TET2: variants seen among roughly 807,000 people sequenced by gnomAD.
The protein encoded by TET2 is methylcytosine dioxygenase TET2.
In TET2, 299 loss-of-function variants were observed where a neutral mutation model predicts 142.9. That is an observed-to-expected ratio of 2.09 (90% CI 1.90 to 2.30). TET2 has a LOEUF of 2.30. TET2 is among the 30% of genes most tolerant of loss of function. TET2 has a pLI of 0.00. For synonymous variants in TET2, 819 were observed against 849.0 expected (o/e 0.96, Z 0.61); for missense variants, 2,418 against 2,378.0 (o/e 1.02, Z -0.35).
intron 2 of TET2, among the ~76,000 whole-genome samples, chr4:105,192,052 GTC>G (rs1173684290): frequency 1.3e-5 from 2 of 151,958 alleles, no homozygotes; most frequent in Non-Finnish European, 2.9e-5. Flanking sequence ...TTCTGCTCTT[GTC>G]TTTTACATGA....
intron 1 of TET2, among the ~76,000 whole-genome samples, chr4:105,179,461 A>G (rs1724993176): frequency 1.3e-5 from 2 of 152,228 alleles, no homozygotes; most frequent in Admixed American, 1.3e-4. Context: ...ATGATACTGC[A>G]AAGCCTACAA....
chr4:105,168,010 A>G (rs1724253794), intron 1 of TET2, among the ~76,000 whole-genome samples: 1 of 152,190 alleles, frequency 6.6e-6, no homozygotes, highest in Non-Finnish European at 1.5e-5. Flanking sequence ...GGATCTGACT[A>G]CTTCACACCA....
At chr4:105,265,355 C>T (rs908015389) in intron 8 of TET2, among the ~76,000 whole-genome samples, 2 of 152,188 alleles carry the variant, frequency 1.3e-5, no homozygotes, top group Non-Finnish European at 2.9e-5. Context: ...CAACCTTAGA[C>T]CATGAGAAAG....
At chr4:105,170,677 C>T (rs1401518322) in intron 1 of TET2, among the ~76,000 whole-genome samples, 3 of 152,112 alleles carry the variant, frequency 2.0e-5, no homozygotes, top group African/African-American at 7.2e-5. Flanking sequence ...GACAATCTTC[C>T]AGGAGCTTCT....
chr4:105,234,991 A>G lies in TET2; in HGVS notation c.1049A>G (p.Glu350Gly). The G allele has an allele frequency of 6.2e-7, 1 of 1,614,112 alleles. No homozygotes were observed. The change falls in exon 3 of 11, where the codon GAA becomes GGA. Residue 350 changes from glutamate to glycine, a missense_variant. Physicochemically the swap from Glu to Gly is moderately conservative, Grantham distance 98. Coordinates refer to ENST00000380013, the MANE Select transcript of TET2 (RefSeq NM_001127208.3). ...IQGTTKLASG[E>G]EFCSGSSSNL... is the part of the protein sequence containing the mutation. ...GGAACCACAAAGCTAGCGTCTGGTG[A>G]AGAATTCTGTTCAGGTTCCAGCAGC...
Position 105,178,829 on chromosome 4 carries a change from T to C in TET2, c.-192-11531T>C, listed in dbSNP as rs904824602. On this transcript the variant is annotated intron_variant, in intron 1 of 10. Coordinates refer to ENST00000380013, the MANE Select transcript of TET2 (RefSeq NM_001127208.3). ...GAAAAAATGTTAATAAAAAAGAAAA[T>C]AAACTAGTTGAATGTATCAGTTCAT... Among the ~76,000 whole-genome samples, 4 of 151,898 alleles carry C rather than the reference T, an allele frequency of 2.6e-5. No individual in the cohort carries two copies. The South Asian group carries it at 8.3e-4, about 32-fold the overall frequency.
At chr4:105,146,540 T>C, upstream of TET2, 1 of 152,342 alleles carries the variant, frequency 6.6e-6, no homozygotes, top group Non-Finnish European at 1.5e-5. Context: ...CGCCGGCCTT[T>C]GTGCTGGACG....
rs568009712 is a variant in TET2, at chr4:105,242,916, A to G, written c.3583A>G (p.Ile1195Val). 2.3e-4 allele frequency: 355 copies of G among 1,551,178 alleles called. 6 individuals carry two copies. In the South Asian group the frequency reaches 3.9e-3, roughly 17 times the overall value. Reference protein sequence around the residue: ...KEGKSSQGCPIAKWVVRRSSS... With the variant: ...KEGKSSQGCPVAKWVVRRSSS... ...AGGCAAAAGTTCTCAGGGATGTCCT[A>G]TTGCTAAGTGGGTAAGTGTGACTTG... is the stretch of plus-strand genomic sequence containing the variant. Residue 1195 changes from isoleucine to valine, a missense_variant, in exon 5 of 11, where the codon ATT becomes GTT. Ile to Val is a conservative substitution (Grantham distance 29). Coordinates refer to ENST00000380013, the MANE Select transcript of TET2 (RefSeq NM_001127208.3).
Position 105,235,659 on chromosome 4 carries a change from C to T in TET2, c.1717C>T (p.His573Tyr). ...GATTGAATTGAAGGCCCCTCGTTTT[C>T]ACCAAGCGGAATCCCATCTAAAACG... ...GWIELKAPRFHQAESHLKRNE... is the reference protein window; with the variant it reads ...GWIELKAPRFYQAESHLKRNE... The change falls in exon 3 of 11, where the codon CAC becomes TAC. Residue 573 changes from histidine to tyrosine, a missense_variant. His to Tyr is a moderately conservative substitution (Grantham distance 83, BLOSUM62 2). Coordinates refer to ENST00000380013, the MANE Select transcript of TET2 (RefSeq NM_001127208.3). The T allele has an allele frequency of 6.2e-7, 1 of 1,614,136 alleles. No individual in the cohort carries two copies. Among genetic ancestry groups the T allele is most frequent in the Non-Finnish European group, 8.5e-7 (1 of 1,179,998 alleles).
chr4:105,162,233 C>T (rs1163538278), intron 1 of TET2, among the ~76,000 whole-genome samples: 1 of 152,104 alleles, frequency 6.6e-6, no homozygotes, highest in Non-Finnish European at 1.5e-5. Context: ...CCCAGGTTAC[C>T]CTAATGCCTT....
At position 105,275,205 on chromosome 4, in the gene TET2, C is replaced by A. The variant is rs2110312290; in HGVS notation, c.4695C>A (p.Ser1565=). 1 of 1,552,320 alleles carries A rather than the reference C, an allele frequency of 6.4e-7. No individual in the cohort carries two copies. ...TCAACTCTTATTCTGCTTCTGGATC[C>A]ACCAATCCATACATGAGACGGCCCA... ...ESVNSYSASG[S]TNPYMRRPNP... The change falls in exon 11 of 11, where the codon TCC becomes TCA. Residue 1565 remains serine (S), a synonymous_variant. Transcript: ENST00000380013.
Position 105,234,707 on chromosome 4 carries a change from G to A in TET2, c.765G>A (p.Gln255=), listed in dbSNP as rs761825851. 1.9e-6 allele frequency: 3 copies of A among 1,614,044 alleles called. No homozygotes were observed. Among genetic ancestry groups the A allele is most frequent in the Non-Finnish European group, 2.5e-6 (3 of 1,180,020 alleles). The change falls in exon 3 of 11, where the codon CAG becomes CAA. Residue 255 remains glutamine (Q), a synonymous_variant. Transcript: ENST00000380013. Reference sequence around the variant, plus strand: ...CTCACATAAATGCCATTAACAGTCAGGCTACTAATGAGTTGTCCTGTGAGA... The same window carrying A: ...CTCACATAAATGCCATTAACAGTCAAGCTACTAATGAGTTGTCCTGTGAGA... The part of the protein sequence containing the change: ...TTSHINAINS[Q]ATNELSCEIT...
chr4:105,190,524 T>C lies in TET2; in HGVS notation c.-47+19T>C, dbSNP rs1241557021. On this transcript the variant is annotated intron_variant, in intron 2 of 10. Coordinates refer to ENST00000380013, the MANE Select transcript of TET2 (RefSeq NM_001127208.3). Reference sequence around the variant, plus strand: ...GCTGCTGGTAAGACAGTGGAGACAGTTGACACTTGTTTGTCAAGTATGAAT... The same window carrying C: ...GCTGCTGGTAAGACAGTGGAGACAGCTGACACTTGTTTGTCAAGTATGAAT... 4.3e-6 allele frequency: 3 copies of C among 697,476 alleles called. No individual in the cohort carries two copies. Among genetic ancestry groups the C allele is most frequent in the East Asian group, 2.7e-5 (1 of 37,238 alleles). 43.2% of individuals were successfully genotyped at this position (697,476 alleles called of 1,614,324 possible). A position where few individuals can be genotyped will look rare whatever the true frequency, so the allele number is the denominator to read the frequency against.
chr4:105,270,677 TATA>T lies in TET2; in HGVS notation c.4182+931_4182+933del, dbSNP rs1730910990. Among the ~76,000 whole-genome samples the T allele has an allele frequency of 0.019, 209 of 10,750 alleles. No individual in the cohort carries two copies. The African/African-American group carries it at 0.26, about 13-fold the overall frequency. 7.1% of individuals were successfully genotyped at this position (10,750 alleles called of 152,430 possible). A position where few individuals can be genotyped will look rare whatever the true frequency, so the allele number is the denominator to read the frequency against. ...GTGAGGGGAAAATAGATACATGTTA[TATA>T]TATATATATATATATATATGTTCTA... is the stretch of plus-strand genomic sequence containing the variant. On this transcript the variant is annotated intron_variant, in intron 9 of 10. Coordinates refer to ENST00000380013, the MANE Select transcript of TET2 (RefSeq NM_001127208.3).
rs80196765 is a variant in TET2 at position 105,186,938 on chromosome 4, C to T, written c.-192-3422C>T. 3.4e-3 allele frequency among the ~76,000 whole-genome samples: 518 copies of T among 152,286 alleles called. 7 individuals are homozygous for T. In the East Asian group the frequency reaches 0.044, roughly 13 times the overall value. On this transcript the variant is annotated intron_variant, in intron 1 of 10. Transcript: ENST00000380013. ...AACTATATTCTAGCAAGAGACTATT[C>T]TATTTGTTGGGGATCACCTCTTTTT... is the stretch of plus-strand genomic sequence containing the variant.
At chr4:105,224,170 A>C (rs1728031775) in intron 2 of TET2, among the ~76,000 whole-genome samples, 1 of 152,094 alleles carries the variant, frequency 6.6e-6, no homozygotes, top group Non-Finnish European at 1.5e-5. Context: ...AAAAGCAATA[A>C]ACCAAAAAAT....
At chr4:105,211,577 C>T (rs1727164442) in intron 2 of TET2, among the ~76,000 whole-genome samples, 1 of 151,858 alleles carries the variant, frequency 6.6e-6, no homozygotes, top group Non-Finnish European at 1.5e-5. Flanking sequence ...ACAAGGTGTC[C>T]CTAAAGTGAG....
Position 105,234,353 on chromosome 4 carries a change from T to G in TET2, c.411T>G (p.Ser137Arg). 6.2e-7 allele frequency: 1 copy of G among 1,614,048 alleles called. No individual in the cohort carries two copies. Among genetic ancestry groups the G allele is most frequent in the Non-Finnish European group, 8.5e-7 (1 of 1,180,014 alleles). Residue 137 changes from serine (S) to arginine (R), a missense_variant, in exon 3 of 11, where the codon AGT becomes AGG. Transcript: ENST00000380013. ...AAGAAAGAAATCCAGGTGAAAGCAG[T>G]CAACCAAATGTCTCCGATTTGAGTG... is the stretch of plus-strand genomic sequence containing the variant. ...VSQERNPGES[S>R]QPNVSDLSDK...
At chr4:105,198,101 C>G (rs917989567) in intron 2 of TET2, among the ~76,000 whole-genome samples, 1 of 152,104 alleles carries the variant, frequency 6.6e-6, no homozygotes, top group Non-Finnish European at 1.5e-5. Context: ...ATTTGGGAGG[C>G]CGAGGCGGGT....
Sources: allele counts gnomAD v4.1 joint callset (sites outside exome capture counted in the v4.1 genomes callset), GRCh38; gene constraint gnomAD v4.1.1; transcripts MANE v1.5; gene names NCBI Gene and HGNC (gene_info 2026-07-23, HGNC 2026-07-21).